SLC14A2: variants seen among roughly 807,000 people sequenced by gnomAD.
SLC14A2 encodes solute carrier family 14 member 2.
Under a neutral mutation model 104.6 loss-of-function variants are expected in SLC14A2, and 91 were observed. The observed-to-expected ratio is 0.87, with a 90% CI of 0.73 to 1.04. The LOEUF is 1.04. SLC14A2 is among the 50% of genes least tolerant of loss of function. The probability of loss-of-function intolerance (pLI) is 0.00; values close to 1 mark genes in which losing one functional copy is unlikely to be tolerated. For missense variants in SLC14A2, 1,189 were observed against 1,156.0 expected (o/e 1.03, Z -0.41); for synonymous variants, 476 against 466.4 (o/e 1.02, Z -0.27).
At chr18:45,532,340 A>C (rs1432568135) in intron 2 of SLC14A2, among the ~76,000 whole-genome samples, 1 of 152,192 alleles carries the variant, frequency 6.6e-6, no homozygotes, top group Non-Finnish European at 1.5e-5. Flanking sequence ...TGAGCATGGA[A>C]TGTTCTTCCA....
intron 1 of SLC14A2, among the ~76,000 whole-genome samples, chr18:45,279,346 C>T (rs764327895): frequency 2.0e-5 from 3 of 152,196 alleles, no homozygotes; most frequent in Admixed American, 6.5e-5. Flanking sequence ...GAAGTTTCCT[C>T]GTACTGCTCA....
chr18:45,516,775 A>C (rs918930873), intron 2 of SLC14A2, among the ~76,000 whole-genome samples: 1 of 152,242 alleles, frequency 6.6e-6, no homozygotes, highest in Non-Finnish European at 1.5e-5. Flanking sequence ...AGATGGGAGA[A>C]GTACAAGCAT....
At chr18:45,223,708 C>G (rs1195071374) in intron 1 of SLC14A2, among the ~76,000 whole-genome samples, 1 of 152,194 alleles carries the variant, frequency 6.6e-6, no homozygotes, top group Non-Finnish European at 1.5e-5. Context: ...TCTCCTAGCT[C>G]CCTTAAGGAC....
At chr18:45,654,769 C>T (rs997326204) in intron 10 of SLC14A2, among the ~76,000 whole-genome samples, 3 of 152,130 alleles carry the variant, frequency 2.0e-5, no homozygotes, top group African/African-American at 7.2e-5. Context: ...TTCCTGCTCA[C>T]CTGCTGATGA....
intron 1 of SLC14A2, among the ~76,000 whole-genome samples, chr18:45,340,375 C>A (rs1176002239): frequency 6.6e-6 from 1 of 152,224 alleles, no homozygotes; most frequent in African/African-American, 2.4e-5. Flanking sequence ...CTGAGAAGTA[C>A]ATGCCCTGCC....
Position 45,682,467 on chromosome 18 carries a change from G to T in SLC14A2, c.2711G>T (p.Arg904Ile), listed in dbSNP as rs371028117. The stretch of plus-strand genomic sequence containing the variant: ...CGCATCTACTACCTGTCCCAGGAGA[G>T]AAACAGAAGGGCATCAATCATAACA... ...ANRIYYLSQE[R>I]NRRASIITKY... Residue 904 changes from arginine to isoleucine, a missense_variant, in exon 20 of 20, where the codon AGA becomes ATA. Arg to Ile is a moderately conservative substitution (Grantham distance 97). Coordinates refer to ENST00000255226, the MANE Select transcript of SLC14A2 (RefSeq NM_007163.4). 1.9e-6 allele frequency: 3 copies of T among 1,614,068 alleles called. No individual in the cohort carries two copies. Among genetic ancestry groups the T allele is most frequent in the Non-Finnish European group, 2.5e-6 (3 of 1,180,030 alleles).
At chr18:45,526,313 G>T (rs779016577) in intron 2 of SLC14A2, among the ~76,000 whole-genome samples, 1 of 152,206 alleles carries the variant, frequency 6.6e-6, no homozygotes, top group African/African-American at 2.4e-5. Context: ...ACGGCCAGAA[G>T]TCACTGTCAG....
At chr18:45,412,789 G>T (rs1046194099) in intron 1 of SLC14A2, among the ~76,000 whole-genome samples, 1 of 152,124 alleles carries the variant, frequency 6.6e-6, no homozygotes, top group South Asian at 2.1e-4. Context: ...TTTGTTGTGG[G>T]GTTCTCACAA....
chr18:45,298,703 G>T (rs2144185034), intron 1 of SLC14A2, among the ~76,000 whole-genome samples: 1 of 152,260 alleles, frequency 6.6e-6, no homozygotes, highest in Non-Finnish European at 1.5e-5. Flanking sequence ...AAAATGGAAA[G>T]TTAAATAAAG....
intron 1 of SLC14A2, among the ~76,000 whole-genome samples, chr18:45,397,554 T>A (rs1373251595): frequency 6.6e-6 from 1 of 152,152 alleles, no homozygotes; most frequent in African/African-American, 2.4e-5. Flanking sequence ...CTTATAGATG[T>A]TGGATATTAG....
chr18:45,276,580 A>C (rs2084705249), intron 1 of SLC14A2, among the ~76,000 whole-genome samples: 1 of 152,240 alleles, frequency 6.6e-6, no homozygotes, highest in African/African-American at 2.4e-5. Flanking sequence ...GCAATACTGC[A>C]TGTGATTTAA....
At chr18:45,629,989 T>A (rs557419437) in intron 4 of SLC14A2, among the ~76,000 whole-genome samples, 69 of 152,284 alleles carry the variant, frequency 4.5e-4, no homozygotes, top group African/African-American at 1.3e-3. Context: ...GAATCCTTCC[T>A]CCCCCAGGGA....
intron 1 of SLC14A2, among the ~76,000 whole-genome samples, chr18:45,322,209 A>T (rs972229007): frequency 6.6e-6 from 1 of 152,200 alleles, no homozygotes; most frequent in Non-Finnish European, 1.5e-5. Flanking sequence ...GTCACATCTC[A>T]CATTTGTAGA....
At chr18:45,510,719 C>A (rs2043354646) in intron 2 of SLC14A2, among the ~76,000 whole-genome samples, 1 of 151,804 alleles carries the variant, frequency 6.6e-6, no homozygotes, top group Non-Finnish European at 1.5e-5. Context: ...GAACAGCCAG[C>A]TGATCCCGTC....
intron 1 of SLC14A2, among the ~76,000 whole-genome samples, chr18:45,309,481 T>C (rs1228165727): frequency 6.6e-6 from 1 of 152,162 alleles, no homozygotes; most frequent in African/African-American, 2.4e-5. Flanking sequence ...ATTGTACAGA[T>C]GGATGATTCC....
intron 1 of SLC14A2, among the ~76,000 whole-genome samples, chr18:45,463,566 G>A (rs1164327542): frequency 6.6e-6 from 1 of 152,208 alleles, no homozygotes; most frequent in Non-Finnish European, 1.5e-5. Flanking sequence ...AGGGAGCATG[G>A]GTGGTTGTAG....
chr18:45,369,608 T>C (rs2144349640), intron 1 of SLC14A2, among the ~76,000 whole-genome samples: 1 of 152,336 alleles, frequency 6.6e-6, no homozygotes, highest in East Asian at 1.9e-4. Context: ...CTATAGTGCT[T>C]TCATTTAATT....
intron 2 of SLC14A2, among the ~76,000 whole-genome samples, chr18:45,546,048 C>T (rs1043317214): frequency 1.3e-5 from 2 of 152,170 alleles, no homozygotes; most frequent in Non-Finnish European, 2.9e-5. Context: ...TCCAGTGGAA[C>T]TAAAGACACT....
intron 1 of SLC14A2, among the ~76,000 whole-genome samples, chr18:45,471,665 T>C (rs543930598): frequency 3.9e-5 from 6 of 152,174 alleles, no homozygotes; most frequent in Admixed American, 6.6e-5. Flanking sequence ...TCTGTTTTTG[T>C]GTCTTGAGCA....
Sources: allele counts gnomAD v4.1 joint callset (sites outside exome capture counted in the v4.1 genomes callset), GRCh38; gene constraint gnomAD v4.1.1; transcripts MANE v1.5; gene names NCBI Gene and HGNC (gene_info 2026-07-23, HGNC 2026-07-21).